The following EPHA6 variants were observed in gnomAD, a reference collection of about 807,000 sequenced individuals.
EPHA6 encodes EPH receptor A6.
Under a neutral mutation model 112.0 loss-of-function variants are expected in EPHA6, and 50 were observed. That is an observed-to-expected ratio of 0.45 (90% CI 0.36 to 0.56). The LOEUF (loss-of-function observed/expected upper bound fraction) is 0.56, where lower values mean the gene tolerates loss of function less well. Among genes scored for constraint, EPHA6 ranks in the 20% least tolerant of loss-of-function variants. The pLI is 0.00. For synonymous variants in EPHA6, 529 were observed against 490.7 expected, an observed-to-expected ratio of 1.08 and a Z score of -1.03; for missense variants, 1,280 against 1,417.4, an observed-to-expected ratio of 0.90 and a Z score of 1.56.
At chr3:96,998,581 C>T (rs935240791) in intron 3 of EPHA6, among the ~76,000 whole-genome samples, 1 of 151,754 alleles carries the variant, frequency 6.6e-6, no homozygotes. Context: ...GTTATTTCCC[C>T]GTCTATGAGA....
intron 3 of EPHA6, among the ~76,000 whole-genome samples, chr3:97,116,021 A>G (rs2047877069): frequency 6.6e-6 from 1 of 151,790 alleles, no homozygotes; most frequent in Admixed American, 6.6e-5. Flanking sequence ...AAGATAATTT[A>G]GCACTGAGAC....
At chr3:97,091,167 A>C (rs2108229512) in intron 3 of EPHA6, among the ~76,000 whole-genome samples, 1 of 152,264 alleles carries the variant, frequency 6.6e-6, no homozygotes, top group African/African-American at 2.4e-5. Context: ...CATCCTGATC[A>C]ATTTTCAGAC....
At chr3:97,234,385 G>A (rs906006785) in intron 4 of EPHA6, among the ~76,000 whole-genome samples, 5 of 151,916 alleles carry the variant, frequency 3.3e-5, no homozygotes, top group Non-Finnish European at 5.9e-5. Flanking sequence ...CATCGTCATT[G>A]GCTATGTCTA....
chr3:96,825,135 T>C (rs1033026591), intron 1 of EPHA6, among the ~76,000 whole-genome samples: 1 of 151,932 alleles, frequency 6.6e-6, no homozygotes, highest in Non-Finnish European at 1.5e-5. Flanking sequence ...GAGACCTCCA[T>C]TTTAAAGTAA....
chr3:97,519,959 T>A (rs926243890), intron 10 of EPHA6, among the ~76,000 whole-genome samples: 13 of 151,486 alleles, frequency 8.6e-5, no homozygotes, highest in Admixed American at 3.3e-4. Context: ...TTTTCTAGTT[T>A]GGATGCAATT....
chr3:97,476,475 A>C (rs543324777), intron 8 of EPHA6, among the ~76,000 whole-genome samples: 1 of 152,108 alleles, frequency 6.6e-6, no homozygotes, highest in Non-Finnish European at 1.5e-5. Context: ...AATAAACAGC[A>C]CCTTCAGTGA....
At chr3:96,836,434 G>T (rs577558995) in intron 1 of EPHA6, among the ~76,000 whole-genome samples, 31 of 152,168 alleles carry the variant, frequency 2.0e-4, no homozygotes, top group African/African-American at 7.0e-4. Flanking sequence ...ATCCTTGAAG[G>T]TTCTATTTTA....
rs144168072 is a variant in EPHA6 at position 96,893,073 on chromosome 3, A to C, written c.450+26184A>C. Among the ~76,000 whole-genome samples, 1,082 of 152,040 alleles carry C rather than the reference A, an allele frequency of 7.1e-3. 17 individuals are homozygous for C. Among genetic ancestry groups the C allele is most frequent in the African/African-American group, 0.024 (1,000 of 41,426 alleles). On this transcript the variant is annotated intron_variant, in intron 2 of 17. Coordinates refer to ENST00000389672, the MANE Select transcript of EPHA6 (RefSeq NM_001080448.3). ...CGTAAGATTATAATCGAGCTGAAAA[A>C]TTCCTCTTGCCTGTGACGTTGTAGC...
chr3:96,964,437 T>C (rs1206181292), intron 2 of EPHA6, among the ~76,000 whole-genome samples: 1 of 152,210 alleles, frequency 6.6e-6, no homozygotes, highest in Non-Finnish European at 1.5e-5. Flanking sequence ...GGGGAAACTT[T>C]AATTTGTATG....
At chr3:96,916,500 T>C (rs2039488980) in intron 2 of EPHA6, among the ~76,000 whole-genome samples, 1 of 152,158 alleles carries the variant, frequency 6.6e-6, no homozygotes, top group African/African-American at 2.4e-5. Flanking sequence ...GTGCAGAAAT[T>C]ATTTTGGTTT....
Position 96,923,721 on chromosome 3 carries a change from G to A in EPHA6, c.450+56832G>A, listed in dbSNP as rs370448154. ...TTTGCTTGAGCCTGTGTCCTGAATG[G>A]TATTCCCTAGATTTTCTTCTAGAGA... On this transcript the variant is annotated intron_variant, in intron 2 of 17. Coordinates refer to ENST00000389672, the MANE Select transcript of EPHA6 (RefSeq NM_001080448.3). 4.9e-4 allele frequency among the ~76,000 whole-genome samples: 75 copies of A among 152,192 alleles called. No individual in the cohort carries two copies. The South Asian group carries it at 0.015, about 29-fold the overall frequency.
intron 10 of EPHA6, among the ~76,000 whole-genome samples, chr3:97,528,798 C>G (rs1166391664): frequency 6.6e-6 from 1 of 152,118 alleles, no homozygotes; most frequent in Non-Finnish European, 1.5e-5. Context: ...CCCTGTATAA[C>G]ATACAACAAA....
chr3:97,342,631 G>A (rs188159073), intron 5 of EPHA6, among the ~76,000 whole-genome samples: 209 of 152,246 alleles, frequency 1.4e-3, no homozygotes, highest in African/African-American at 4.8e-3. Context: ...GCATTTAGGA[G>A]GTAATTACGT....
chr3:97,577,956 T>G (rs2093402806), intron 11 of EPHA6, among the ~76,000 whole-genome samples: 1 of 152,138 alleles, frequency 6.6e-6, no homozygotes, highest in Admixed American at 6.6e-5. Flanking sequence ...ATGAGTGGCA[T>G]CTGGGTTGGT....
At chr3:97,706,222 A>G (rs1405825880) in intron 14 of EPHA6, among the ~76,000 whole-genome samples, 1 of 152,218 alleles carries the variant, frequency 6.6e-6, no homozygotes, top group Non-Finnish European at 1.5e-5. Flanking sequence ...AGGTCAAAAG[A>G]GAGATTTAGG....
At chr3:97,190,965 G>T (rs1050122431) in intron 3 of EPHA6, among the ~76,000 whole-genome samples, 3 of 152,078 alleles carry the variant, frequency 2.0e-5, no homozygotes, top group African/African-American at 7.2e-5. Context: ...ATGATATACA[G>T]TGTATCTCTT....
intron 13 of EPHA6, among the ~76,000 whole-genome samples, chr3:97,624,930 T>C (rs2093843277): frequency 6.6e-6 from 1 of 151,614 alleles, no homozygotes; most frequent in Non-Finnish European, 1.5e-5. Context: ...AATTTCAGTC[T>C]TCTCTTCATT....
At chr3:97,301,729 G>C (rs1032088626) in intron 5 of EPHA6, among the ~76,000 whole-genome samples, 4 of 151,910 alleles carry the variant, frequency 2.6e-5, no homozygotes, top group African/African-American at 9.7e-5. Context: ...TTAAATTAAA[G>C]CTTTTATATG....
At chr3:97,446,525 A>G (rs1042797971) in intron 6 of EPHA6, among the ~76,000 whole-genome samples, 2 of 152,122 alleles carry the variant, frequency 1.3e-5, no homozygotes, top group Non-Finnish European at 2.9e-5. Flanking sequence ...TCTAAGAGTA[A>G]ACTTTTGAAC....
Sources: gnomAD v4.1 joint callset for allele counts (sites outside exome capture counted in the v4.1 genomes callset) on GRCh38, gnomAD v4.1.1 for gene constraint, MANE v1.5 for transcripts, NCBI Gene and HGNC (gene_info 2026-07-23, HGNC 2026-07-21) for gene names.